The following SCTR variants were observed in gnomAD, a reference collection of about 807,000 sequenced individuals.
SCTR encodes the protein pancreatic secretin receptor.
SCTR carries 56 observed loss-of-function variants against 60.8 expected under a neutral mutation model. That is an observed-to-expected ratio of 0.92 (90% CI 0.74 to 1.15). The LOEUF (loss-of-function observed/expected upper bound fraction) is 1.15. Ranked by LOEUF, SCTR falls within the 50% of genes most tolerant of loss-of-function variation. The probability of loss-of-function intolerance (pLI) is 0.00; values close to 1 mark genes in which losing one functional copy is unlikely to be tolerated. For synonymous variants in SCTR, 202 were observed against 217.0 expected, an observed-to-expected ratio of 0.93 and a Z score of 0.61; for missense variants, 562 against 550.4, an observed-to-expected ratio of 1.02 and a Z score of -0.21.
rs565359923 is a variant in SCTR at position 119,444,255 on chromosome 2, A to G, written c.1140+2504T>C. ...TACATATGAATATATACACATATAC[A>G]TATGAATATATACATATATACATAT... On this transcript the variant is annotated intron_variant, in intron 11 of 12. Transcript: ENST00000019103. Among the ~76,000 whole-genome samples the G allele has an allele frequency of 4.1e-3, 386 of 94,130 alleles. 14 individuals are homozygous for G. The highest frequency in any genetic ancestry group is 0.011 in the African/African-American group (232 of 20,852). 61.8% of individuals were successfully genotyped at this position (94,130 alleles called of 152,430 possible).
chr2:119,452,112 C>A, intron 8 of SCTR, 33 bp from the exon 9 acceptor site: 1 of 1,440,314 alleles, frequency 6.9e-7, no homozygotes, highest in Non-Finnish European at 9.7e-7. Flanking sequence ...TGGTTATGAG[C>A]AGGAGCTGTG....
chr2:119,519,188 T>C (rs957225167), intron 1 of SCTR, among the ~76,000 whole-genome samples: 2 of 152,120 alleles, frequency 1.3e-5, no homozygotes, highest in Non-Finnish European at 2.9e-5. Context: ...GGTCTCAGAC[T>C]GGTCTCAAAC....
intron 12 of SCTR, 106 bp downstream of exon 12, chr2:119,441,452 C>A (rs1413791355): frequency 5.7e-6 from 5 of 880,532 alleles, no homozygotes; most frequent in Non-Finnish European, 9.3e-6. Context: ...CTCCCTCTGA[C>A]CCTTTCCATC....
chr2:119,485,341 A>T (rs1434842257), intron 2 of SCTR, among the ~76,000 whole-genome samples: 2 of 152,176 alleles, frequency 1.3e-5, no homozygotes, highest in African/African-American at 4.8e-5. Flanking sequence ...CAGCAATGTC[A>T]GCTTCCTCTG....
chr2:119,484,190 G>A (rs530046487), intron 2 of SCTR, among the ~76,000 whole-genome samples: 13 of 152,288 alleles, frequency 8.5e-5, no homozygotes, highest in East Asian at 5.8e-4. Flanking sequence ...TGAGCCACGA[G>A]GGAGGGGTCA....
Position 119,452,081 on chromosome 2 carries a change from T to G in SCTR, c.852-2A>C. 2 of 1,589,564 alleles carry G rather than the reference T, an allele frequency of 1.3e-6. No individual in the cohort carries two copies. The highest frequency in any genetic ancestry group is 8.6e-7 in the Non-Finnish European group (1 of 1,160,772). On this transcript the variant is annotated splice_acceptor_variant, in intron 8 of 12. Coordinates refer to ENST00000019103, the MANE Select transcript of SCTR (RefSeq NM_002980.3). LOFTEE classifies it high-confidence loss of function. ...GCGTTGGCATTGATGTCCCAGCACC[T>G]AAGGGAGGGACAGCTGGGCATGGTT...
intron 2 of SCTR, among the ~76,000 whole-genome samples, chr2:119,491,522 AT>A (rs950395450): frequency 6.6e-5 from 10 of 151,782 alleles, no homozygotes; most frequent in African/African-American, 1.9e-4. Context: ...TATTAATATT[AT>A]TTTTTTTGAC....
Position 119,524,177 on chromosome 2 carries a change from A to T in SCTR, c.50T>A (p.Leu17Gln). The change falls in exon 1 of 13, where the codon CTG (leucine) becomes CAG (glutamine). Residue 17 changes from leucine to glutamine, a missense_variant. Transcript: ENST00000019103. ...PPLQQLLLPV[L>Q]LACAAHSTGA... The stretch of plus-strand genomic sequence containing the variant: ...CACCGAGTGCGCGGCGCAGGCGAGC[A>T]GCACCGGCAGTAGTAGCTGCTGCAG... 1 of 1,533,200 alleles carries T rather than the reference A, an allele frequency of 6.5e-7. No individual in the cohort carries two copies. Among genetic ancestry groups the T allele is most frequent in the Non-Finnish European group, 8.8e-7 (1 of 1,138,920 alleles). 95.0% of individuals were successfully genotyped at this position (1,533,200 alleles called of 1,614,324 possible). A position where few individuals can be genotyped will look rare whatever the true frequency, so the allele number is the denominator to read the frequency against.
Position 119,465,784 on chromosome 2 carries a change from C to G in SCTR, c.503+5G>C. The G allele has an allele frequency of 6.2e-7, 1 of 1,601,852 alleles. No individual in the cohort carries two copies. Among genetic ancestry groups the G allele is most frequent in the Non-Finnish European group, 8.6e-7 (1 of 1,168,982 alleles). ...GGGTATGGAGAGCTGGCAGTGTGTT[C>G]TCACCGGAAAGCACAGAGGATGCCA... On this transcript the variant is annotated splice_donor_5th_base_variant and intron_variant, in intron 5 of 12. Transcript: ENST00000019103.
chr2:119,440,176 T>C lies in SCTR; in HGVS notation c.1264A>G (p.Ser422Gly). 2 of 1,614,094 alleles carry C rather than the reference T, an allele frequency of 1.2e-6. No individual in the cohort carries two copies. Among genetic ancestry groups the C allele is most frequent in the Non-Finnish European group, 1.7e-6 (2 of 1,180,006 alleles). The change falls in exon 13 of 13, where the codon AGC becomes GGC. Residue 422 changes from serine (S) to glycine (G), a missense_variant. Ser to Gly is a moderately conservative substitution (Grantham distance 56, BLOSUM62 0). Transcript: ENST00000019103. ...PLHPVASFSN[S>G]TKASHLEQSQ... ...TGCTCCAAGTGGCTGGCCTTGGTGC[T>C]GTTGCTGAAGGAGGCCACGGGGTGC... is the stretch of plus-strand genomic sequence containing the variant.
chr2:119,515,221 T>G (rs1340232352), intron 1 of SCTR, among the ~76,000 whole-genome samples: 2 of 152,190 alleles, frequency 1.3e-5, no homozygotes, highest in East Asian at 1.9e-4. Context: ...GGGCCCAATG[T>G]AAGTGCTGTG....
rs1210091485 is a variant in SCTR, at chr2:119,469,663, A to AC, written c.406-3778_406-3777insG. On this transcript the variant is annotated intron_variant, in intron 4 of 12. Coordinates refer to ENST00000019103, the MANE Select transcript of SCTR (RefSeq NM_002980.3). ...TGCCATCACACTCAGCTACTTAAAAAAATTTTTTTTGTAGAGATAGGGTCT... is the reference window on the plus strand; with the variant it reads ...TGCCATCACACTCAGCTACTTAAAAACAATTTTTTTTGTAGAGATAGGGTCT... 3.9e-5 allele frequency among the ~76,000 whole-genome samples: 6 copies of AC among 152,008 alleles called. No individual in the cohort carries two copies. In the East Asian group the frequency reaches 9.7e-4, roughly 25 times the overall value.
intron 11 of SCTR, among the ~76,000 whole-genome samples, chr2:119,441,831 C>T (rs1281176297): frequency 2.6e-5 from 4 of 151,846 alleles, no homozygotes; most frequent in East Asian, 1.9e-4. Flanking sequence ...AGGGTAGGCT[C>T]CCTTTTGAAC....
rs1048708281 is a variant in SCTR at position 119,448,915 on chromosome 2, G to A, written c.922-135C>T. 2.3e-5 allele frequency: 14 copies of A among 620,062 alleles called. No homozygotes were observed. In the Admixed American group the frequency reaches 2.3e-4, roughly 10 times the overall value. 38.4% of individuals were successfully genotyped at this position (620,062 alleles called of 1,614,324 possible). ...GCCAGGATGGCCCACCAGTGCTGCC[G>A]CTCCTCTCCATCCCCTCCCCACCCC... On this transcript the variant is annotated intron_variant, in intron 9 of 12. Coordinates refer to ENST00000019103, the MANE Select transcript of SCTR (RefSeq NM_002980.3).
chr2:119,492,685 A>G (rs1208262557), intron 2 of SCTR, among the ~76,000 whole-genome samples: 1 of 152,132 alleles, frequency 6.6e-6, no homozygotes, highest in Non-Finnish European at 1.5e-5. Flanking sequence ...TCCAAAAGGA[A>G]ACCTGTACCC....
Position 119,464,167 on chromosome 2 carries a change from C to T in SCTR, c.592G>A (p.Val198Met), listed in dbSNP as rs745635131. 1.5e-5 allele frequency: 25 copies of T among 1,614,166 alleles called. No individual in the cohort carries two copies. Among genetic ancestry groups the T allele is most frequent in the East Asian group, 2.2e-5 (1 of 44,884 alleles). ...GTGACATCATCTGAGGAGAAGAGCA[C>T]GGCGTCCTTGATGAAGTTGGACAGG... The part of the protein sequence containing the change: ...RALSNFIKDA[V>M]LFSSDDVTYC... Residue 198 changes from valine (V) to methionine (M), a missense_variant, in exon 6 of 13, where the codon GTG becomes ATG. Val to Met is a conservative substitution (Grantham distance 21). Coordinates refer to ENST00000019103, the MANE Select transcript of SCTR (RefSeq NM_002980.3).
At chr2:119,448,561 G>C (rs1683020091) in intron 10 of SCTR, 128 bp downstream of exon 10, 8 of 645,176 alleles carry the variant, frequency 1.2e-5, no homozygotes, top group African/African-American at 1.8e-5. Flanking sequence ...CATGTACCTG[G>C]TAAACTTCTT....
At chr2:119,485,016 A>T (rs1677804149) in intron 2 of SCTR, among the ~76,000 whole-genome samples, 1 of 152,158 alleles carries the variant, frequency 6.6e-6, no homozygotes, top group South Asian at 2.1e-4. Context: ...TGCCGAGCCC[A>T]TGCCTCCCGG....
intron 11 of SCTR, among the ~76,000 whole-genome samples, chr2:119,443,790 G>T (rs991589454): frequency 6.6e-6 from 1 of 152,140 alleles, no homozygotes; most frequent in Non-Finnish European, 1.5e-5. Flanking sequence ...CAGGCAATTC[G>T]CCTGCCTCGG....
Sources: gnomAD v4.1 joint callset for allele counts (sites outside exome capture counted in the v4.1 genomes callset) on GRCh38, gnomAD v4.1.1 for gene constraint, MANE v1.5 for transcripts, NCBI Gene and HGNC (gene_info 2026-07-23, HGNC 2026-07-21) for gene names.